LYPLAL1: variants seen among roughly 807,000 people sequenced by gnomAD.
LYPLAL1 encodes lysophospholipase-like protein 1.
Under a neutral mutation model 19.7 loss-of-function variants are expected in LYPLAL1, and 23 were observed. That is an observed-to-expected ratio of 1.17 (90% CI 0.84 to 1.65). The LOEUF (loss-of-function observed/expected upper bound fraction) is 1.65, where lower values mean the gene tolerates loss of function less well. Ranked by LOEUF, LYPLAL1 falls within the 40% of genes most tolerant of loss-of-function variation. LYPLAL1 has a pLI of 0.00. For synonymous variants in LYPLAL1, 119 were observed against 96.3 expected, an observed-to-expected ratio of 1.24 and a Z score of -1.38; for missense variants, 355 against 279.4, an observed-to-expected ratio of 1.27 and a Z score of -1.93.
the LYPLAL1 span, among the ~76,000 whole-genome samples, chr1:219,219,997 G>A: frequency 1.3e-5 from 2 of 152,072 alleles, no homozygotes; most frequent in East Asian, 1.9e-4. Flanking sequence ...AGATAGCAAT[G>A]ATTAAAGTTT....
the LYPLAL1 span, among the ~76,000 whole-genome samples, chr1:219,362,951 CA>C: frequency 3.2e-3 from 456 of 141,450 alleles, no homozygotes; most frequent in African/African-American, 9.1e-3. Flanking sequence ...TGGATGAATG[CA>C]AAAAAAAAAA....
At chr1:219,193,043 T>C in intron 2 of LYPLAL1, 39 bp from the exon 3 acceptor site, 2 of 1,337,544 alleles carry the variant, frequency 1.5e-6, no homozygotes, top group Non-Finnish European at 2.0e-6. Flanking sequence ...TATTCCCTTT[T>C]CCTTTCTTTT....
At chr1:219,224,023 A>G in the LYPLAL1 span, among the ~76,000 whole-genome samples, 3 of 152,078 alleles carry the variant, frequency 2.0e-5, no homozygotes, top group East Asian at 5.8e-4. Context: ...AACTAGAGAT[A>G]TACTTGACAT....
At chr1:219,319,171 G>A in the LYPLAL1 span, among the ~76,000 whole-genome samples, 1 of 152,190 alleles carries the variant, frequency 6.6e-6, no homozygotes, top group South Asian at 2.1e-4. Context: ...AGGACTGGAG[G>A]AGAAAGGAAG....
chr1:219,420,935 T>A, the LYPLAL1 span, among the ~76,000 whole-genome samples: 1 of 152,220 alleles, frequency 6.6e-6, no homozygotes, highest in Non-Finnish European at 1.5e-5. Context: ...ATTTTTATTC[T>A]TACATCTTAG....
At chr1:219,290,725 G>A in the LYPLAL1 span, among the ~76,000 whole-genome samples, 1 of 152,020 alleles carries the variant, frequency 6.6e-6, no homozygotes, top group Non-Finnish European at 1.5e-5. Flanking sequence ...TTGCACTGTG[G>A]ACTCGCCCCA....
At chr1:219,397,355 G>A in the LYPLAL1 span, among the ~76,000 whole-genome samples, 2 of 152,168 alleles carry the variant, frequency 1.3e-5, no homozygotes, top group Non-Finnish European at 2.9e-5. Flanking sequence ...TGTTCATAAA[G>A]GATATTGGCC....
chr1:219,400,768 G>A, the LYPLAL1 span, among the ~76,000 whole-genome samples: 7 of 152,112 alleles, frequency 4.6e-5, no homozygotes, highest in Admixed American at 1.3e-4. Context: ...CTAGAGTGCC[G>A]GGATTATAGG....
At chr1:219,285,503 G>A in the LYPLAL1 span, among the ~76,000 whole-genome samples, 1 of 152,142 alleles carries the variant, frequency 6.6e-6, no homozygotes, top group African/African-American at 2.4e-5. Context: ...TGAATAAAGT[G>A]TTATATCTGT....
At chr1:219,266,563 T>C in the LYPLAL1 span, among the ~76,000 whole-genome samples, 9 of 152,148 alleles carry the variant, frequency 5.9e-5, no homozygotes, top group Non-Finnish European at 1.0e-4. Context: ...AGTATAGTGA[T>C]AGTAAATACA....
At chr1:219,286,325 T>A in the LYPLAL1 span, among the ~76,000 whole-genome samples, 1 of 152,190 alleles carries the variant, frequency 6.6e-6, no homozygotes, top group Non-Finnish European at 1.5e-5. Context: ...ACAAGCACAA[T>A]ATTGATGAAT....
the LYPLAL1 span, among the ~76,000 whole-genome samples, chr1:219,400,934 T>C: frequency 1.3e-5 from 2 of 152,190 alleles, no homozygotes; most frequent in African/African-American, 4.8e-5. Context: ...ATTTTTCCCA[T>C]ATCCAATAAA....
At chr1:219,174,915 CAAGTG>C in intron 1 of LYPLAL1, 1 of 985,156 alleles carries the variant, frequency 1.0e-6, no homozygotes, top group South Asian at 4.7e-5. Context: ...GGTTTCCTGC[CAAGTG>C]AATTGTAAGA....
intron 3 of LYPLAL1, among the ~76,000 whole-genome samples, chr1:219,207,524 T>G (rs895312158): frequency 1.3e-5 from 2 of 152,090 alleles, no homozygotes; most frequent in Admixed American, 6.6e-5. Context: ...ATGATAAATT[T>G]GTCTCCTTGC....
chr1:219,377,640 G>A, the LYPLAL1 span, among the ~76,000 whole-genome samples: 65,188 of 151,850 alleles, frequency 0.43, 14,784 homozygotes, highest in East Asian at 0.78. Flanking sequence ...ATTAGTATTT[G>A]GCTGATTCTA....
the LYPLAL1 span, among the ~76,000 whole-genome samples, chr1:219,391,226 C>G: frequency 6.6e-6 from 1 of 152,072 alleles, no homozygotes; most frequent in Non-Finnish European, 1.5e-5. Context: ...GCTATTGATC[C>G]TTTCTCCTCC....
chr1:219,312,638 G>T, the LYPLAL1 span, among the ~76,000 whole-genome samples: 8 of 152,142 alleles, frequency 5.3e-5, no homozygotes, highest in African/African-American at 1.9e-4. Context: ...GCAACTAGGG[G>T]CTCTCTACCT....
intron 1 of LYPLAL1, among the ~76,000 whole-genome samples, chr1:219,177,891 T>C (rs1282846153): frequency 6.6e-6 from 1 of 152,208 alleles, no homozygotes; most frequent in Non-Finnish European, 1.5e-5. Context: ...CTACAGTTTC[T>C]CTGGTCTCAT....
the LYPLAL1 span, among the ~76,000 whole-genome samples, chr1:219,345,066 G>A: frequency 6.6e-6 from 1 of 152,028 alleles, no homozygotes; most frequent in Non-Finnish European, 1.5e-5. Context: ...TTTCTTTTCA[G>A]CACATGATTT....
Sources: gnomAD v4.1 joint callset for allele counts (sites outside exome capture counted in the v4.1 genomes callset) on GRCh38, gnomAD v4.1.1 for gene constraint, MANE v1.5 for transcripts, NCBI Gene and HGNC (gene_info 2026-07-23, HGNC 2026-07-21) for gene names.